WDFY2: variants seen among roughly 807,000 people sequenced by gnomAD.
WDFY2 encodes the protein WD repeat and FYVE domain containing 2, also known as WD repeat and FYVE domain-containing protein 2.
In WDFY2, 36 loss-of-function variants were observed where a neutral mutation model predicts 56.4. The ratio of observed to expected loss-of-function variants is 0.64; its 90% CI spans 0.49 to 0.84. WDFY2 has a LOEUF of 0.84. Ranked by LOEUF, WDFY2 falls within the 40% of genes least tolerant of loss-of-function variation. WDFY2 has a pLI of 0.00. For missense variants in WDFY2, 444 were observed against 512.2 expected, an observed-to-expected ratio of 0.87 and a Z score of 1.29; for synonymous variants, 176 against 183.7, an observed-to-expected ratio of 0.96 and a Z score of 0.34.
intron 2 of WDFY2, among the ~76,000 whole-genome samples, chr13:51,666,823 G>A (rs929362206): frequency 1.3e-5 from 2 of 151,956 alleles, no homozygotes; most frequent in African/African-American, 4.8e-5. Flanking sequence ...TCAAATGGTA[G>A]GTAATACATT....
chr13:51,734,137 A>C (rs536651483), intron 6 of WDFY2, among the ~76,000 whole-genome samples: 3 of 152,114 alleles, frequency 2.0e-5, no homozygotes, highest in Non-Finnish European at 4.4e-5. Flanking sequence ...ACCAGATCAC[A>C]CTCTGGGAAA....
At chr13:51,740,317 A>T (rs1455476322) in intron 7 of WDFY2, among the ~76,000 whole-genome samples, 1 of 152,200 alleles carries the variant, frequency 6.6e-6, no homozygotes, top group Non-Finnish European at 1.5e-5. Context: ...AGACCTTGTC[A>T]TCAGTTCATT....
chr13:51,721,517 C>T (rs1952490382), intron 5 of WDFY2, among the ~76,000 whole-genome samples: 4 of 152,128 alleles, frequency 2.6e-5, no homozygotes, highest in Admixed American at 2.0e-4. Context: ...TCCCTTCGAG[C>T]ATCTCCAGGA....
intron 2 of WDFY2, among the ~76,000 whole-genome samples, chr13:51,667,714 G>T (rs1394403051): frequency 6.6e-6 from 1 of 151,894 alleles, no homozygotes; most frequent in Non-Finnish European, 1.5e-5. Flanking sequence ...TGGGTTCCTG[G>T]TTGTGAAATG....
rs1344750555 is a variant in WDFY2 at position 51,703,630 on chromosome 13, C to T, written c.314C>T (p.Thr105Ile). Reference sequence around the variant, plus strand: ...TTGTCAGAAGATTATAACAAGATGACTCCTGTGAAAAACTATCAAGGTAGG... The same window carrying T: ...TTGTCAGAAGATTATAACAAGATGATTCCTGTGAAAAACTATCAAGGTAGG... ...FILSEDYNKMTPVKNYQAHQS... is the reference protein window; with the variant it reads ...FILSEDYNKMIPVKNYQAHQS... The change falls in exon 4 of 12, where the codon ACT becomes ATT. Residue 105 changes from threonine (T) to isoleucine (I), a missense_variant. Physicochemically the swap from Thr to Ile is moderately conservative, Grantham distance 89. Coordinates refer to ENST00000298125, the MANE Select transcript of WDFY2 (RefSeq NM_052950.4). 1.2e-6 allele frequency: 2 copies of T among 1,609,594 alleles called. No homozygotes were observed. Among genetic ancestry groups the T allele is most frequent in the East Asian group, 4.5e-5 (2 of 44,744 alleles).
At chr13:51,702,179 G>A (rs1435295890) in intron 3 of WDFY2, among the ~76,000 whole-genome samples, 2 of 152,002 alleles carry the variant, frequency 1.3e-5, no homozygotes, top group East Asian at 1.9e-4. Flanking sequence ...GCACATGGTG[G>A]CATGCACCTA....
At chr13:51,723,510 T>A (rs1044511901) in intron 5 of WDFY2, among the ~76,000 whole-genome samples, 1 of 152,328 alleles carries the variant, frequency 6.6e-6, no homozygotes, top group Admixed American at 6.5e-5. Context: ...GAATCAGTTC[T>A]CCTGCACACA....
intron 1 of WDFY2, among the ~76,000 whole-genome samples, chr13:51,607,644 C>G (rs891865239): frequency 6.6e-6 from 1 of 151,386 alleles, no homozygotes; most frequent in African/African-American, 2.4e-5. Context: ...ATTAAAACAA[C>G]AAAAATTCAA....
intron 1 of WDFY2, among the ~76,000 whole-genome samples, chr13:51,648,517 A>G (rs531432972): frequency 3.1e-4 from 47 of 152,158 alleles, no homozygotes; most frequent in Non-Finnish European, 5.7e-4. Flanking sequence ...GCTTGCATTT[A>G]TAGCCCAGTC....
At chr13:51,713,400 G>A (rs961625070) in intron 4 of WDFY2, among the ~76,000 whole-genome samples, 7 of 152,156 alleles carry the variant, frequency 4.6e-5, no homozygotes, top group Non-Finnish European at 1.0e-4. Flanking sequence ...CATGTTCATA[G>A]CAGCATTGTT....
Position 51,584,557 on chromosome 13 carries a change from C to A in WDFY2, c.-131C>A. On this transcript the variant is annotated 5_prime_UTR_variant, in exon 1 of 12. Coordinates refer to ENST00000298125, the MANE Select transcript of WDFY2 (RefSeq NM_052950.4). ...CCGAGAGAGGCGGCCAGGCTATGCTCGCCGGTTTCCGGCGTTCCGCTCCGG... is the reference window on the plus strand; with the variant it reads ...CCGAGAGAGGCGGCCAGGCTATGCTAGCCGGTTTCCGGCGTTCCGCTCCGG... 1 of 1,296,274 alleles carries A rather than the reference C, an allele frequency of 7.7e-7. No individual in the cohort carries two copies. The highest frequency in any genetic ancestry group is 1.0e-6 in the Non-Finnish European group (1 of 975,982). The allele number at this position is 1,296,274 out of a possible 1,614,324, so 80.3% of individuals were successfully genotyped here.
chr13:51,621,424 G>T (rs1156240951), intron 1 of WDFY2, among the ~76,000 whole-genome samples: 1 of 152,174 alleles, frequency 6.6e-6, no homozygotes, highest in Non-Finnish European at 1.5e-5. Flanking sequence ...AGAATCGCTT[G>T]AACCCGGGAG....
chr13:51,732,363 A>T (rs1593459560), intron 6 of WDFY2, among the ~76,000 whole-genome samples: 1 of 152,098 alleles, frequency 6.6e-6, no homozygotes, highest in Non-Finnish European at 1.5e-5. Context: ...CAAATGAACT[A>T]CCTGCCTCGG....
intron 1 of WDFY2, among the ~76,000 whole-genome samples, chr13:51,636,062 C>T (rs1261702411): frequency 1.3e-5 from 2 of 152,050 alleles, no homozygotes; most frequent in Non-Finnish European, 2.9e-5. Flanking sequence ...TTTCAACATG[C>T]TGGGTGCACA....
rs1160734362 is a variant in WDFY2, at chr13:51,651,429, G to T, written c.138-9167G>T. ...TCTCTATCTCCTTCAGTTCTGCTCTGATCTTAGTTATTTCTTGCCTTCTGC... is the reference window on the plus strand; with the variant it reads ...TCTCTATCTCCTTCAGTTCTGCTCTTATCTTAGTTATTTCTTGCCTTCTGC... On this transcript the variant is annotated intron_variant, in intron 1 of 11. Transcript: ENST00000298125. 3.3e-5 allele frequency among the ~76,000 whole-genome samples: 5 copies of T among 152,054 alleles called. No individual in the cohort carries two copies. In the East Asian group the frequency reaches 9.6e-4, roughly 29 times the overall value.
intron 5 of WDFY2, among the ~76,000 whole-genome samples, chr13:51,724,022 G>C (rs1051749771): frequency 2.3e-4 from 35 of 151,806 alleles, no homozygotes; most frequent in South Asian, 6.2e-4. Flanking sequence ...AATTTTCAGA[G>C]TACAGATTTG....
rs201861703 is a variant in WDFY2, at chr13:51,661,773, C to CT, written c.205+1117dup. On this transcript the variant is annotated intron_variant, in intron 2 of 11. Transcript: ENST00000298125. ...ACCAAGCTGAACAAAGTATTCAACG[C>CT]TTTTTTTGGGAAGAAGAAACTTCTT... is the stretch of plus-strand genomic sequence containing the variant. 5.3e-3 allele frequency among the ~76,000 whole-genome samples: 803 copies of CT among 152,150 alleles called. 5 individuals carry two copies. The highest frequency in any genetic ancestry group is 7.4e-3 in the Non-Finnish European group (505 of 67,990).
At chr13:51,631,556 C>T (rs1340681371) in intron 1 of WDFY2, among the ~76,000 whole-genome samples, 1 of 152,148 alleles carries the variant, frequency 6.6e-6, no homozygotes, top group African/African-American at 2.4e-5. Context: ...ATCACTTCAG[C>T]ACATTTTCTT....
chr13:51,584,615 T>A lies in WDFY2; in HGVS notation c.-73T>A. 1 of 1,526,904 alleles carries A rather than the reference T, an allele frequency of 6.5e-7. No individual in the cohort carries two copies. The highest frequency in any genetic ancestry group is 8.8e-7 in the Non-Finnish European group (1 of 1,142,856). The allele number at this position is 1,526,904 out of a possible 1,614,324, so 94.6% of individuals were successfully genotyped here. On this transcript the variant is annotated 5_prime_UTR_variant, in exon 1 of 12. Transcript: ENST00000298125. ...GAGTCTCTGTCTCAACCTGTGTCCG[T>A]GCTCCAGCAGTCTCCTCAGCCCGGC...
Sources: allele counts gnomAD v4.1 joint callset (sites outside exome capture counted in the v4.1 genomes callset), GRCh38; gene constraint gnomAD v4.1.1; transcripts MANE v1.5; gene names NCBI Gene and HGNC (gene_info 2026-07-23, HGNC 2026-07-21).